Variants in ACTL8 observed in about 807,000 individuals in gnomAD.
ACTL8 encodes actin-like protein 8.
ACTL8 carries 3 observed loss-of-function variants against 9.3 expected under a neutral mutation model. The ratio of observed to expected loss-of-function variants is 0.32; its 90% CI spans 0.15 to 0.83. ACTL8 has a LOEUF of 0.83. ACTL8 is among the 40% of genes least tolerant of loss of function. The pLI, the probability that ACTL8 is intolerant of heterozygous loss-of-function variation, is 0.57. For synonymous variants in ACTL8, 224 were observed against 205.9 expected (o/e 1.09, Z -0.75); for missense variants, 381 against 492.2 (o/e 0.77, Z 2.14).
chr1:17,779,852 G>A (rs1363000395), intron 1 of ACTL8, among the ~76,000 whole-genome samples: 1 of 152,196 alleles, frequency 6.6e-6, no homozygotes. Context: ...TTCCTGGGGA[G>A]GGAGACCTGG....
At chr1:17,758,642 A>T (rs556120627) in intron 1 of ACTL8, among the ~76,000 whole-genome samples, 1 of 152,280 alleles carries the variant, frequency 6.6e-6, no homozygotes, top group South Asian at 2.1e-4. Flanking sequence ...ACAGTTCTGG[A>T]GTTACTTGGC....
chr1:17,773,764 G>A (rs1004741309), intron 1 of ACTL8, among the ~76,000 whole-genome samples: 5 of 152,230 alleles, frequency 3.3e-5, no homozygotes, highest in Admixed American at 6.5e-5. Flanking sequence ...CCTAATGAGA[G>A]GATTAGGAGA....
At chr1:17,762,226 G>A (rs1172397150) in intron 1 of ACTL8, among the ~76,000 whole-genome samples, 2 of 152,052 alleles carry the variant, frequency 1.3e-5, no homozygotes, top group African/African-American at 4.8e-5. Context: ...GAGAGTCCGA[G>A]CCTTCAGATA....
chr1:17,768,389 T>G (rs1310719513), intron 1 of ACTL8, among the ~76,000 whole-genome samples: 1 of 83,796 alleles, frequency 1.2e-5, no homozygotes, highest in African/African-American at 3.1e-5. Context: ...CTGCCAAGAC[T>G]GCAGTTTGGG....
At chr1:17,811,274 C>T (rs1478240737) in intron 1 of ACTL8, among the ~76,000 whole-genome samples, 1 of 152,174 alleles carries the variant, frequency 6.6e-6, no homozygotes, top group Non-Finnish European at 1.5e-5. Context: ...TTTGGCCCAT[C>T]TTTGGAAGTG....
intron 1 of ACTL8, among the ~76,000 whole-genome samples, chr1:17,768,414 T>C (rs1364784933): frequency 6.6e-6 from 1 of 152,160 alleles, no homozygotes; most frequent in Non-Finnish European, 1.5e-5. Context: ...GGATCACTCC[T>C]GGAAAGGAAT....
intron 1 of ACTL8, among the ~76,000 whole-genome samples, chr1:17,810,966 T>C (rs1570038845): frequency 6.6e-6 from 1 of 152,364 alleles, no homozygotes; most frequent in East Asian, 1.9e-4. Context: ...TAAGGGTTTT[T>C]GTGTGAACAT....
At chr1:17,787,858 C>T (rs1053214264) in intron 1 of ACTL8, among the ~76,000 whole-genome samples, 2 of 152,222 alleles carry the variant, frequency 1.3e-5, no homozygotes, top group Non-Finnish European at 2.9e-5. Flanking sequence ...TAATACTTCA[C>T]ATTTACCCTG....
intron 1 of ACTL8, among the ~76,000 whole-genome samples, chr1:17,796,300 G>A (rs902724228): frequency 2.6e-5 from 3 of 117,616 alleles, no homozygotes; most frequent in Admixed American, 2.0e-4. Flanking sequence ...CTGTGCATGC[G>A]TGCACCTGTG....
intron 1 of ACTL8, among the ~76,000 whole-genome samples, chr1:17,790,777 C>T (rs1263399411): frequency 2.0e-5 from 3 of 152,226 alleles, no homozygotes; most frequent in East Asian, 1.9e-4. Context: ...TGCCAAGGGG[C>T]ACCTGCAGGC....
Position 17,826,084 on chromosome 1 carries a change from G to C in ACTL8, c.666G>C (p.Leu222=). 2 of 1,608,332 alleles carry C rather than the reference G, an allele frequency of 1.2e-6. No homozygotes were observed. Among genetic ancestry groups the C allele is most frequent in the Non-Finnish European group, 1.7e-6 (2 of 1,179,700 alleles). The part of the protein sequence containing the change: ...CYVPQNLGEA[L]DFRERQQSAL... ...TGCCGCAGAATCTGGGGGAGGCCCTGGACTTTCGTGAGAGGCAGCAGAGTG... is the reference window on the plus strand; with the variant it reads ...TGCCGCAGAATCTGGGGGAGGCCCTCGACTTTCGTGAGAGGCAGCAGAGTG... The change falls in exon 3 of 3, where the codon CTG becomes CTC. Residue 222 remains leucine (L), a synonymous_variant. Transcript: ENST00000375406. This position sits in a 1 kb window ranked among gnomAD's most constrained non-coding sequence, Gnocchi z 4.5.
chr1:17,803,999 A>G (rs1008924203), intron 1 of ACTL8, among the ~76,000 whole-genome samples: 2 of 152,210 alleles, frequency 1.3e-5, no homozygotes, highest in African/African-American at 4.8e-5. Context: ...TACGAACCCT[A>G]AGAATTCTGT....
At position 17,826,248 on chromosome 1, in the gene ACTL8, T is replaced by C; in HGVS notation, c.830T>C (p.Val277Ala). 1 of 1,613,244 alleles carries C rather than the reference T, an allele frequency of 6.2e-7. No individual in the cohort carries two copies. Among genetic ancestry groups the C allele is most frequent in the South Asian group, 1.1e-5 (1 of 91,058 alleles). The change falls in exon 3 of 3, where the codon GTG becomes GCG. Residue 277 changes from valine (V) to alanine (A), a missense_variant. Physicochemically the swap from Val to Ala is moderately conservative, Grantham distance 64. Transcript: ENST00000375406. The surrounding 1 kb of genome is among the most constrained non-coding windows in gnomAD (Gnocchi z 4.5). ...GGGCCCAGCATCCCACGGGCCATTG[T>C]GGAATCCGTGGAGTCCTGCGAGATC... The part of the protein sequence containing the change: ...QPGPSIPRAI[V>A]ESVESCEISL...
chr1:17,756,903 T>A (rs1162779106), intron 1 of ACTL8, among the ~76,000 whole-genome samples: 11 of 152,070 alleles, frequency 7.2e-5, no homozygotes, highest in Admixed American at 7.2e-4. Flanking sequence ...AACTGTGGGG[T>A]GGGATGGATC....
chr1:17,817,717 T>TC (rs1553123801), intron 1 of ACTL8, among the ~76,000 whole-genome samples: 1 of 151,714 alleles, frequency 6.6e-6, no homozygotes, highest in Non-Finnish European at 1.5e-5. Flanking sequence ...TTTCTTTTTT[T>TC]CGAGATGGAG....
chr1:17,766,729 G>T (rs2066047019), intron 1 of ACTL8, among the ~76,000 whole-genome samples: 1 of 152,160 alleles, frequency 6.6e-6, no homozygotes, highest in African/African-American at 2.4e-5. Context: ...ATGGAGCTGG[G>T]ATTGGAACCC....
At chr1:17,756,675 A>G (rs1388743362) in intron 1 of ACTL8, among the ~76,000 whole-genome samples, 1 of 152,210 alleles carries the variant, frequency 6.6e-6, no homozygotes, top group African/African-American at 2.4e-5. Context: ...ATGGAACCAC[A>G]GAGGTACCAT....
intron 1 of ACTL8, among the ~76,000 whole-genome samples, chr1:17,763,848 CAG>C (rs1042339889): frequency 2.0e-5 from 3 of 152,164 alleles, no homozygotes; most frequent in African/African-American, 4.8e-5. Context: ...CCTCGGGAAA[CAG>C]GGGTTGGCCC....
chr1:17,794,405 G>A (rs1428255468), intron 1 of ACTL8, among the ~76,000 whole-genome samples: 1 of 152,192 alleles, frequency 6.6e-6, no homozygotes. Context: ...ACTCATGATT[G>A]CATTGGCTAC....
Sources: allele counts gnomAD v4.1 joint callset (sites outside exome capture counted in the v4.1 genomes callset), GRCh38; gene constraint gnomAD v4.1.1; non-coding constraint Gnocchi (gnomAD v3.1); transcripts MANE v1.5; gene names NCBI Gene and HGNC (gene_info 2026-07-23, HGNC 2026-07-21).